The following STIM2 variants were observed in gnomAD, a reference collection of about 807,000 sequenced individuals.
STIM2 encodes the protein stromal interaction molecule 2.
In STIM2, 31 loss-of-function variants were observed where a neutral mutation model predicts 85.8. The ratio of observed to expected loss-of-function variants is 0.36; its 90% CI spans 0.27 to 0.49. STIM2 has a LOEUF of 0.49. Ranked by LOEUF, STIM2 falls within the 20% of genes least tolerant of loss-of-function variation. The probability of loss-of-function intolerance (pLI) is 0.98; values close to 1 mark genes in which losing one functional copy is unlikely to be tolerated. For synonymous variants in STIM2, 356 were observed against 331.1 expected, an observed-to-expected ratio of 1.08 and a Z score of -0.82; for missense variants, 841 against 927.6, an observed-to-expected ratio of 0.91 and a Z score of 1.21.
At chr4:26,912,199 C>T (rs1192161270) in intron 1 of STIM2, among the ~76,000 whole-genome samples, 1 of 152,046 alleles carries the variant, frequency 6.6e-6, no homozygotes, top group African/African-American at 2.4e-5. Flanking sequence ...GAAGAAAATC[C>T]TAATCATGAG....
intron 2 of STIM2, among the ~76,000 whole-genome samples, chr4:26,930,657 T>G (rs910374496): frequency 7.9e-5 from 12 of 152,174 alleles, no homozygotes; most frequent in Admixed American, 2.0e-4. Context: ...ACAACACAGA[T>G]GTGTCTGTGG....
At chr4:26,905,430 A>G (rs1167093609) in intron 1 of STIM2, among the ~76,000 whole-genome samples, 1 of 152,184 alleles carries the variant, frequency 6.6e-6, no homozygotes, top group African/African-American at 2.4e-5. Context: ...ACAGTAATCT[A>G]TGCAAGAGGT....
Position 26,919,585 on chromosome 4 carries a change from A to T in STIM2, c.233A>T (p.Gln78Leu), listed in dbSNP as rs1231100522. Residue 78 changes from glutamine to leucine, a missense_variant, in exon 2 of 12, where the codon CAA becomes CTA. Coordinates refer to ENST00000467087, the MANE Select transcript of STIM2 (RefSeq NM_020860.4). Reference sequence around the variant, plus strand: ...GAAGCTCTTCAAACAATACATAAACAAATGGATGATGACAAAGATGGTGGA... The same window carrying T: ...GAAGCTCTTCAAACAATACATAAACTAATGGATGATGACAAAGATGGTGGA... 1 of 1,613,740 alleles carries T rather than the reference A, an allele frequency of 6.2e-7. No individual in the cohort carries two copies. The highest frequency in any genetic ancestry group is 1.7e-5 in the Admixed American group (1 of 60,002).
chr4:27,017,828 C>T lies in STIM2; in HGVS notation c.1607C>T (p.Pro536Leu). 1.2e-6 allele frequency: 2 copies of T among 1,614,176 alleles called. No individual in the cohort carries two copies. The highest frequency in any genetic ancestry group is 1.3e-5 in the African/African-American group (1 of 75,038). ...CGAGCTCAGCTTGCTCCACACGCCC[C>T]CCACCCGTCACACCCTCGGCACCCT... Residue 536 changes from proline (P) to leucine (L), a missense_variant, in exon 11 of 12, where the codon CCC (proline) becomes CTC (leucine). Physicochemically the swap from Pro to Leu is moderately conservative, Grantham distance 98. Transcript: ENST00000467087.
intron 4 of STIM2, among the ~76,000 whole-genome samples, chr4:26,996,226 T>G (rs868173301): frequency 2.6e-5 from 4 of 152,052 alleles, no homozygotes; most frequent in African/African-American, 7.2e-5. Context: ...AAGTACCAAA[T>G]GATATAATTT....
intron 3 of STIM2, among the ~76,000 whole-genome samples, chr4:26,970,460 G>C (rs1003552536): frequency 6.6e-6 from 1 of 150,614 alleles, no homozygotes; most frequent in Non-Finnish European, 1.5e-5. Context: ...TGATCTCATT[G>C]TTCAGTTCCC....
intron 1 of STIM2, among the ~76,000 whole-genome samples, chr4:26,867,076 G>A (rs1443996407): frequency 6.6e-6 from 1 of 152,152 alleles, no homozygotes; most frequent in Non-Finnish European, 1.5e-5. Context: ...AAACTATTTA[G>A]AAGGAGAGGT....
intron 2 of STIM2, among the ~76,000 whole-genome samples, chr4:26,939,131 A>G (rs1201947994): frequency 6.6e-6 from 1 of 152,122 alleles, no homozygotes; most frequent in Non-Finnish European, 1.5e-5. Context: ...TACTGAGTAA[A>G]TTAGCACTCT....
At position 26,893,268 on chromosome 4, in the gene STIM2, C is replaced by T. The variant is rs112178409; in HGVS notation, c.152-26236C>T. On this transcript the variant is annotated intron_variant, in intron 1 of 11. Transcript: ENST00000467087. The stretch of plus-strand genomic sequence containing the variant: ...TAGAAGTTCCCCCTCCCCATAGTCC[C>T]TCTTCTTAATCACAACCTCTCCTAC... 6.7e-3 allele frequency among the ~76,000 whole-genome samples: 1,019 copies of T among 152,274 alleles called. 11 individuals are homozygous for T. Among genetic ancestry groups the T allele is most frequent in the African/African-American group, 0.024 (979 of 41,548 alleles).
At chr4:26,866,987 A>T (rs1268277045) in intron 1 of STIM2, among the ~76,000 whole-genome samples, 1 of 152,122 alleles carries the variant, frequency 6.6e-6, no homozygotes, top group Non-Finnish European at 1.5e-5. Flanking sequence ...GATGGGGGTG[A>T]CATGTCCTTT....
intron 1 of STIM2, among the ~76,000 whole-genome samples, chr4:26,876,208 A>G (rs962346879): frequency 9.2e-5 from 14 of 152,336 alleles, no homozygotes; most frequent in East Asian, 1.9e-4. Flanking sequence ...CTCCGCTACT[A>G]TGGATGAAAC....
intron 11 of STIM2, chr4:27,021,373 GGCA>G: frequency 2.4e-6 from 1 of 413,422 alleles, no homozygotes; most frequent in Non-Finnish European, 4.8e-6. Context: ...GGTTAGGGCA[GGCA>G]GCAGTAACCT....
chr4:26,875,030 T>A (rs998744081), intron 1 of STIM2, among the ~76,000 whole-genome samples: 2 of 152,230 alleles, frequency 1.3e-5, no homozygotes, highest in Non-Finnish European at 2.9e-5. Flanking sequence ...TGCAGATTCC[T>A]TTAATTGAAG....
chr4:27,011,667 C>T (rs1355564591), intron 10 of STIM2, among the ~76,000 whole-genome samples: 2 of 152,140 alleles, frequency 1.3e-5, no homozygotes, highest in Non-Finnish European at 2.9e-5. Context: ...TGAAATGATA[C>T]CTCACAATTA....
At chr4:26,872,229 G>A (rs1722646989) in intron 1 of STIM2, among the ~76,000 whole-genome samples, 1 of 152,152 alleles carries the variant, frequency 6.6e-6, no homozygotes, top group African/African-American at 2.4e-5. Flanking sequence ...CGGACCATGA[G>A]TGGTCCGAGA....
intron 3 of STIM2, among the ~76,000 whole-genome samples, chr4:26,968,280 A>T (rs1387749571): frequency 6.6e-6 from 1 of 152,186 alleles, no homozygotes; most frequent in Admixed American, 6.5e-5. Flanking sequence ...ATTTAAGTGG[A>T]AGCAACCCAA....
Position 26,919,591 on chromosome 4 carries a change from A to T in STIM2, c.239A>T (p.Asp80Val). 6.2e-7 allele frequency: 1 copy of T among 1,613,734 alleles called. No homozygotes were observed. Among genetic ancestry groups the T allele is most frequent in the Non-Finnish European group, 8.5e-7 (1 of 1,179,744 alleles). ...CTTCAAACAATACATAAACAAATGG[A>T]TGATGACAAAGATGGTGGAATTGAA... Residue 80 changes from aspartate (D) to valine (V), a missense_variant, in exon 2 of 12, where the codon GAT (aspartate) becomes GTT (valine). By Grantham distance (152) the Asp-to-Val change is radical. Around this residue, in one of 3 missense-constraint regions of STIM2, gnomAD observed 140 missense variants for 117.7 expected, o/e 1.19. Coordinates refer to ENST00000467087, the MANE Select transcript of STIM2 (RefSeq NM_020860.4).
intron 1 of STIM2, among the ~76,000 whole-genome samples, chr4:26,890,577 C>G (rs1008035682): frequency 6.6e-6 from 1 of 152,144 alleles, no homozygotes; most frequent in Non-Finnish European, 1.5e-5. Context: ...GTAATCCCAG[C>G]ACTTTGGGAG....
intron 3 of STIM2, among the ~76,000 whole-genome samples, chr4:26,969,737 A>C (rs1297885275): frequency 6.6e-6 from 1 of 152,146 alleles, no homozygotes; most frequent in Non-Finnish European, 1.5e-5. Context: ...TGAAGTTTTA[A>C]GTTAGTGAAT....
Sources: gnomAD v4.1 joint callset for allele counts (sites outside exome capture counted in the v4.1 genomes callset) on GRCh38, gnomAD v4.1.1 for gene constraint, gnomAD v4.1.1 regional missense constraint, MANE v1.5 for transcripts, NCBI Gene and HGNC (gene_info 2026-07-23, HGNC 2026-07-21) for gene names.